The following ST6GALNAC2 variants were observed in gnomAD, a reference collection of about 807,000 sequenced individuals.
The protein encoded by ST6GALNAC2 is ST6 N-acetylgalactosaminide alpha-2,6-sialyltransferase 2.
Under a neutral mutation model 38.7 loss-of-function variants are expected in ST6GALNAC2, and 42 were observed. The observed-to-expected ratio is 1.09, with a 90% CI of 0.85 to 1.40. The LOEUF (loss-of-function observed/expected upper bound fraction) is 1.40, where lower values mean the gene tolerates loss of function less well. ST6GALNAC2 is among the 40% of genes most tolerant of loss of function. The pLI, the probability that ST6GALNAC2 is intolerant of heterozygous loss-of-function variation, is 0.00. For missense variants in ST6GALNAC2, 506 were observed against 481.7 expected (o/e 1.05, Z -0.47); for synonymous variants, 233 against 209.0 (o/e 1.11, Z -0.99).
chr17:76,573,881 G>T lies in ST6GALNAC2; in HGVS notation c.361+484C>A, dbSNP rs1294881070. ...GCGGAGGTTGTAGTGAGCTGAGATT[G>T]TGCCATTGCACTCCAGCCTGAGTGA... is the stretch of plus-strand genomic sequence containing the variant. On this transcript the variant is annotated intron_variant, in intron 3 of 8. Transcript: ENST00000225276. The surrounding 1 kb of genome is among the most constrained non-coding windows in gnomAD (Gnocchi z 5.1). Among the ~76,000 whole-genome samples the T allele has an allele frequency of 6.6e-6, 1 of 152,198 alleles. No homozygotes were observed. Among genetic ancestry groups the T allele is most frequent in the Non-Finnish European group, 1.5e-5 (1 of 68,032 alleles).
intron 5 of ST6GALNAC2, chr17:76,570,994 G>A (rs11871305): frequency 0.015 from 3,541 of 228,932 alleles, 135 homozygotes; most frequent in African/African-American, 0.074. Context: ...CTTCCTTTAC[G>A]TTCTCAGATC....
rs1303684854 is a variant in ST6GALNAC2 at position 76,570,943 on chromosome 17, T to C, written c.670-275A>G. 2.3e-5 allele frequency: 9 copies of C among 395,216 alleles called. No homozygotes were observed. The East Asian group carries it at 3.7e-4, about 16-fold the overall frequency. The allele number at this position is 395,216 out of a possible 1,614,324, so 24.5% of individuals were successfully genotyped here. On this transcript the variant is annotated intron_variant, in intron 5 of 8. Coordinates refer to ENST00000225276, the MANE Select transcript of ST6GALNAC2 (RefSeq NM_006456.3). ...ATTTTTCTGATAAAGAGGAAAGTGATGGTGTGTGGCTTAGAGACTAGGTCA... is the reference window on the plus strand; with the variant it reads ...ATTTTTCTGATAAAGAGGAAAGTGACGGTGTGTGGCTTAGAGACTAGGTCA...
Position 76,574,433 on chromosome 17 carries a change from G to T in ST6GALNAC2, c.293C>A (p.Thr98Asn), listed in dbSNP as rs781239304. 1 of 1,613,932 alleles carries T rather than the reference G, an allele frequency of 6.2e-7. No individual in the cohort carries two copies. The highest frequency in any genetic ancestry group is 8.5e-7 in the Non-Finnish European group (1 of 1,179,988). Residue 98 changes from threonine to asparagine, a missense_variant, in exon 3 of 9, where the codon ACC becomes AAC. Transcript: ENST00000225276. ...IPVLLWGDLF[T>N]PALWDRLSQH... is the part of the protein sequence containing the mutation. ...GCTCAGGCGGTCCCAGAGCGCTGGG[G>T]TGAAGAGGTCCCCCCACAGCAGCAC...
Position 76,574,423 on chromosome 17 carries a change from G to C in ST6GALNAC2, c.303C>G (p.Leu101=), listed in dbSNP as rs566040559. ...LLWGDLFTPA[L]WDRLSQHKAP... is the part of the protein sequence containing the mutation. Reference sequence around the variant, plus strand: ...CTTTGTGTTGGCTCAGGCGGTCCCAGAGCGCTGGGGTGAAGAGGTCCCCCC... The same window carrying C: ...CTTTGTGTTGGCTCAGGCGGTCCCACAGCGCTGGGGTGAAGAGGTCCCCCC... The change falls in exon 3 of 9, where the codon CTC becomes CTG. Residue 101 remains leucine (L), a synonymous_variant. Coordinates refer to ENST00000225276, the MANE Select transcript of ST6GALNAC2 (RefSeq NM_006456.3). The C allele has an allele frequency of 3.1e-6, 5 of 1,613,920 alleles. No individual in the cohort carries two copies. In the African/African-American group the frequency reaches 6.7e-5, roughly 22 times the overall value.
At chr17:76,579,801 C>T (rs1264419032) in intron 1 of ST6GALNAC2, among the ~76,000 whole-genome samples, 1 of 152,218 alleles carries the variant, frequency 6.6e-6, no homozygotes, top group African/African-American at 2.4e-5. Flanking sequence ...TATGAGGATG[C>T]AGCAAGAAGG....
Position 76,567,438 on chromosome 17 carries a change from G to T in ST6GALNAC2, c.957+15C>A. The T allele has an allele frequency of 1.3e-6, 2 of 1,596,210 alleles. No homozygotes were observed. Among genetic ancestry groups the T allele is most frequent in the Non-Finnish European group, 1.7e-6 (2 of 1,163,886 alleles). On this transcript the variant is annotated intron_variant, in intron 8 of 8. Transcript: ENST00000225276. Reference sequence around the variant, plus strand: ...GTTCTGCCGGCATGGGCTTCTGGAAGAGAAGGCCTCTTACCTGGTCACAGG... The same window carrying T: ...GTTCTGCCGGCATGGGCTTCTGGAATAGAAGGCCTCTTACCTGGTCACAGG...
rs778184748 is a variant in ST6GALNAC2, at chr17:76,578,840, C to T, written c.126-24G>A. 9.9e-6 allele frequency: 16 copies of T among 1,609,482 alleles called. No individual in the cohort carries two copies. The South Asian group carries it at 1.5e-4, about 16-fold the overall frequency. ...CCCTGGGGGAAAAAGCAGAAAAAAG[C>T]AGGGGTCAGCAGCTCTGACCTACCC... On this transcript the variant is annotated intron_variant, in intron 1 of 8. Transcript: ENST00000225276.
At position 76,565,942 on chromosome 17, in the gene ST6GALNAC2, G is replaced by A; in HGVS notation, c.*162C>T. On this transcript the variant is annotated 3_prime_UTR_variant, in exon 9 of 9. Transcript: ENST00000225276. The stretch of plus-strand genomic sequence containing the variant: ...TCTTGGATGAGCCAAGGACAAGCTG[G>A]GGTGTCCTATATTGAACAGACCTCG... 1 of 660,234 alleles carries A rather than the reference G, an allele frequency of 1.5e-6. No individual in the cohort carries two copies. The highest frequency in any genetic ancestry group is 2.5e-6 in the Non-Finnish European group (1 of 398,336). The allele number at this position is 660,234 out of a possible 1,614,324, so 40.9% of individuals were successfully genotyped here. A position where few individuals can be genotyped will look rare whatever the true frequency, so the allele number is the denominator to read the frequency against.
At chr17:76,580,199 T>C (rs1038880506) in intron 1 of ST6GALNAC2, among the ~76,000 whole-genome samples, 6 of 152,154 alleles carry the variant, frequency 3.9e-5, no homozygotes, top group Admixed American at 2.6e-4. Flanking sequence ...GGTGGGTGGA[T>C]CACGAGGTCA....
Position 76,578,800 on chromosome 17 carries a change from C to T in ST6GALNAC2, c.142G>A (p.Glu48Lys), listed in dbSNP as rs532184943. The T allele has an allele frequency of 1.9e-6, 3 of 1,613,632 alleles. No homozygotes were observed. The East Asian group carries it at 6.7e-5, about 36-fold the overall frequency. ...GATGCCTTGGATTGAAAGAATGCTT[C>T]AAATGATGTGGTGTCCCTGGGGGAA... is the stretch of plus-strand genomic sequence containing the variant. ...AAGARDTTSFEAFFQSKASNS... is the reference protein window; with the variant it reads ...AAGARDTTSFKAFFQSKASNS... Residue 48 changes from glutamate to lysine, a missense_variant, in exon 2 of 9, where the codon GAA (glutamate) becomes AAA (lysine). Physicochemically the swap from Glu to Lys is moderately conservative, Grantham distance 56. Coordinates refer to ENST00000225276, the MANE Select transcript of ST6GALNAC2 (RefSeq NM_006456.3).
rs1184778512 is a variant in ST6GALNAC2, at chr17:76,573,765, T to C, written c.362-402A>G. On this transcript the variant is annotated intron_variant, in intron 3 of 8. Transcript: ENST00000225276. This position sits in a 1 kb window ranked among gnomAD's most constrained non-coding sequence, Gnocchi z 5.1. ...CAACATGGTGAAACCATGTCTCTAT[T>C]AAAAATACAAAAATTAGCCAGGCGT... Among the ~76,000 whole-genome samples, 3 of 151,900 alleles carry C rather than the reference T, an allele frequency of 2.0e-5. No individual in the cohort carries two copies. The highest frequency in any genetic ancestry group is 2.9e-5 in the Non-Finnish European group (2 of 67,990).
Position 76,573,242 on chromosome 17 carries a change from A to G in ST6GALNAC2, c.483T>C (p.Asn161=). The change falls in exon 4 of 9, where the codon AAT becomes AAC. Residue 161 remains asparagine (N), a synonymous_variant. Coordinates refer to ENST00000225276, the MANE Select transcript of ST6GALNAC2 (RefSeq NM_006456.3). The surrounding 1 kb of genome is among the most constrained non-coding windows in gnomAD (Gnocchi z 5.1). The part of the protein sequence containing the change: ...CAVVGNGGIL[N]GSRQGPNIDA... ...CGATGTTGGGACCCTGGCGGGACCC[A>G]TTCAGAATGCCTCCGTTGCCCACCA... 1 of 1,612,102 alleles carries G rather than the reference A, an allele frequency of 6.2e-7. No individual in the cohort carries two copies. The highest frequency in any genetic ancestry group is 8.5e-7 in the Non-Finnish European group (1 of 1,179,090).
rs755002554 is a variant in ST6GALNAC2, at chr17:76,574,393, C to T, written c.333G>A (p.Pro111=). ...LWDRLSQHKA[P]YGWRGLSHQV... is the part of the protein sequence containing the mutation. Reference sequence around the variant, plus strand: ...GGTGAGAGAGCCCCCGCCAGCCATACGGGGCTTTGTGTTGGCTCAGGCGGT... The same window carrying T: ...GGTGAGAGAGCCCCCGCCAGCCATATGGGGCTTTGTGTTGGCTCAGGCGGT... The change falls in exon 3 of 9, where the codon CCG becomes CCA. Residue 111 remains proline, a synonymous_variant. Coordinates refer to ENST00000225276, the MANE Select transcript of ST6GALNAC2 (RefSeq NM_006456.3). 33 of 1,613,420 alleles carry T rather than the reference C, an allele frequency of 2.0e-5. No homozygotes were observed. Among genetic ancestry groups the T allele is most frequent in the East Asian group, 6.7e-5 (3 of 44,882 alleles).
At position 76,568,748 on chromosome 17, in the gene ST6GALNAC2, C is replaced by T. The variant is rs117281881; in HGVS notation, c.822G>A (p.Leu274=). ...GGTAGCTGATGAAGTCCGGATGTAG[C>T]AGCTTGAATTTACTGGCAGAGGCTT... The part of the protein sequence containing the change: ...GPEASASKFK[L]LHPDFISYLT... Residue 274 remains leucine, a synonymous_variant, in exon 7 of 9, where the codon CTG becomes CTA. Transcript: ENST00000225276. The T allele has an allele frequency of 4.5e-3, 7,264 of 1,613,646 alleles. 37 individuals carry two copies. Among genetic ancestry groups the T allele is most frequent in the Middle Eastern group, 0.016 (94 of 6,058 alleles).
intron 1 of ST6GALNAC2, among the ~76,000 whole-genome samples, chr17:76,584,967 T>A (rs2075527047): frequency 6.6e-6 from 1 of 152,226 alleles, no homozygotes; most frequent in South Asian, 2.1e-4. Context: ...AACCACCACC[T>A]GCTAGAGGCC....
chr17:76,566,699 TAAAA>T (rs55837742), intron 8 of ST6GALNAC2, among the ~76,000 whole-genome samples: 49 of 146,458 alleles, frequency 3.3e-4, no homozygotes, highest in African/African-American at 1.2e-3. Flanking sequence ...CTACAAAAAG[TAAAA>T]AAAAAAAAAA....
chr17:76,571,315 C>A (rs1389169263), intron 5 of ST6GALNAC2: 1 of 152,312 alleles, frequency 6.6e-6, no homozygotes, highest in African/African-American at 2.4e-5. Flanking sequence ...AAACTAAGGC[C>A]AGGCGCGGTG....
chr17:76,573,172 T>G lies in ST6GALNAC2; in HGVS notation c.530+23A>C. On this transcript the variant is annotated intron_variant, in intron 4 of 8. Coordinates refer to ENST00000225276, the MANE Select transcript of ST6GALNAC2 (RefSeq NM_006456.3). The surrounding 1 kb of genome is among the most constrained non-coding windows in gnomAD (Gnocchi z 5.1). ...TCCAGGCAACTCTCCCTCCCGCCCC[T>G]CCCCAGCTCCTACCCCTCATACCTG... is the stretch of plus-strand genomic sequence containing the variant. 5 of 738,924 alleles carry G rather than the reference T, an allele frequency of 6.8e-6. No homozygotes were observed. The highest frequency in any genetic ancestry group is 1.1e-5 in the Non-Finnish European group (5 of 459,022). 45.8% of individuals were successfully genotyped at this position (738,924 alleles called of 1,614,324 possible).
chr17:76,579,141 A>T (rs914351728), intron 1 of ST6GALNAC2, among the ~76,000 whole-genome samples: 2 of 152,096 alleles, frequency 1.3e-5, no homozygotes, highest in African/African-American at 4.8e-5. Context: ...CTGGTCTCGA[A>T]CTCCCGACTT....
Sources: allele counts gnomAD v4.1 joint callset (sites outside exome capture counted in the v4.1 genomes callset), GRCh38; gene constraint gnomAD v4.1.1; non-coding constraint Gnocchi (gnomAD v3.1); transcripts MANE v1.5; gene names NCBI Gene and HGNC (gene_info 2026-07-23, HGNC 2026-07-21).